Variants in MGLL observed in about 807,000 individuals in gnomAD.
MGLL encodes lysophospholipase homolog.
In MGLL, 7 loss-of-function variants were observed where a neutral mutation model predicts 29.1. The observed-to-expected ratio is 0.24, with a 90% CI of 0.14 to 0.45. The LOEUF is 0.45. Among genes scored for constraint, MGLL ranks in the 20% least tolerant of loss-of-function variants. MGLL has a pLI of 0.99. For missense variants in MGLL, 356 were observed against 413.6 expected, an observed-to-expected ratio of 0.86 and a Z score of 1.21; for synonymous variants, 148 against 168.3, an observed-to-expected ratio of 0.88 and a Z score of 0.93.
intron 3 of MGLL, among the ~76,000 whole-genome samples, chr3:127,734,369 A>G (rs2076206183): frequency 6.6e-6 from 1 of 152,088 alleles, no homozygotes; most frequent in Non-Finnish European, 1.5e-5. Flanking sequence ...CCAGTATTCC[A>G]TTTCACCATG....
chr3:127,785,558 T>A (rs1382125376), intron 2 of MGLL, among the ~76,000 whole-genome samples: 2 of 152,360 alleles, frequency 1.3e-5, no homozygotes, highest in East Asian at 3.9e-4. Context: ...TGGGAGGCTG[T>A]GAACAGAGAG....
At chr3:127,821,968 G>A in intron 1 of MGLL, 130 bp from the exon 2 acceptor site, 1 of 1,006,038 alleles carries the variant, frequency 9.9e-7, no homozygotes, top group Non-Finnish European at 1.4e-6. Flanking sequence ...CTGTTTCAAA[G>A]GTTTAAAACA....
At chr3:127,701,494 T>A (rs2075485689) in intron 6 of MGLL, among the ~76,000 whole-genome samples, 1 of 152,196 alleles carries the variant, frequency 6.6e-6, no homozygotes, top group Non-Finnish European at 1.5e-5. Flanking sequence ...TGTCTCCCTC[T>A]GTGAAGAACC....
rs1343707687 is a variant in MGLL, at chr3:127,727,745, A to G, written c.263-5179T>C. Among the ~76,000 whole-genome samples the G allele has an allele frequency of 2.7e-5, 4 of 150,840 alleles. No individual in the cohort carries two copies. The East Asian group carries it at 5.8e-4, about 22-fold the overall frequency. On this transcript the variant is annotated intron_variant, in intron 3 of 7. Coordinates refer to ENST00000265052, the MANE Select transcript of MGLL (RefSeq NM_007283.7). The stretch of plus-strand genomic sequence containing the variant: ...AAAAAAAAAACAGAGCAAGAAATCA[A>G]TGTTCTAAAGTTTTCTCTTACCTTC...
intron 5 of MGLL, chr3:127,713,916 T>C (rs1349965528): frequency 6.6e-6 from 1 of 152,208 alleles, no homozygotes; most frequent in Non-Finnish European, 1.5e-5. Context: ...ATCCTTGAAG[T>C]GGTTTCACAG....
intron 2 of MGLL, among the ~76,000 whole-genome samples, chr3:127,784,240 G>A (rs1251334076): frequency 6.6e-6 from 1 of 152,140 alleles, no homozygotes; most frequent in Non-Finnish European, 1.5e-5. Flanking sequence ...GAGTCACCTG[G>A]GGAGCTTTCA....
At chr3:127,735,179 T>C (rs2076222096) in intron 3 of MGLL, among the ~76,000 whole-genome samples, 1 of 152,210 alleles carries the variant, frequency 6.6e-6, no homozygotes, top group African/African-American at 2.4e-5. Context: ...CTAAAGGAAG[T>C]CATAAACTCA....
At chr3:127,806,482 T>A (rs2077568214) in intron 2 of MGLL, among the ~76,000 whole-genome samples, 1 of 151,648 alleles carries the variant, frequency 6.6e-6, no homozygotes, top group African/African-American at 2.4e-5. Context: ...GCTGGGTGGA[T>A]GTATGGGGTG....
intron 6 of MGLL, among the ~76,000 whole-genome samples, chr3:127,708,236 G>A (rs77341187): frequency 1.7e-3 from 265 of 152,358 alleles, no homozygotes; most frequent in African/African-American, 6.1e-3. Flanking sequence ...AGAGGGAGAC[G>A]CAGAGCTGCG....
chr3:127,723,563 C>A (rs899956518), intron 3 of MGLL, among the ~76,000 whole-genome samples: 7 of 152,002 alleles, frequency 4.6e-5, no homozygotes, highest in African/African-American at 1.7e-4. Context: ...CGCCCCCCCA[C>A]GGTCTGTCTG....
intron 2 of MGLL, among the ~76,000 whole-genome samples, chr3:127,790,692 T>C (rs2077284923): frequency 6.6e-6 from 1 of 152,210 alleles, no homozygotes; most frequent in Non-Finnish European, 1.5e-5. Context: ...GGAAGTCGCA[T>C]GGGAAACAAT....
intron 3 of MGLL, among the ~76,000 whole-genome samples, chr3:127,726,453 C>G (rs2076049266): frequency 6.6e-6 from 1 of 151,276 alleles, no homozygotes; most frequent in African/African-American, 2.4e-5. Flanking sequence ...TTTTTATTTT[C>G]TTTTTAGTAG....
chr3:127,766,549 G>T (rs2076858899), intron 3 of MGLL, among the ~76,000 whole-genome samples: 1 of 152,016 alleles, frequency 6.6e-6, no homozygotes, highest in East Asian at 1.9e-4. Flanking sequence ...CGCCTTTCTG[G>T]CCTGTTTATC....
At chr3:127,719,615 CCTG>C (rs2075880681) in intron 5 of MGLL, among the ~76,000 whole-genome samples, 1 of 152,214 alleles carries the variant, frequency 6.6e-6, no homozygotes, top group African/African-American at 2.4e-5. Flanking sequence ...TGAGTCTGGG[CCTG>C]CTTATTCTAC....
Position 127,745,347 on chromosome 3 carries a change from C to A in MGLL, c.263-22781G>T, listed in dbSNP as rs553416776. 1.7e-4 allele frequency among the ~76,000 whole-genome samples: 26 copies of A among 152,340 alleles called. 1 individual carries two copies. In the South Asian group the frequency reaches 5.4e-3, roughly 32 times the overall value. ...ATAAAGAAAATGTGGTGCATTTATACACGGAATGCTGCTAGGTCCTCAAAA... is the reference window on the plus strand; with the variant it reads ...ATAAAGAAAATGTGGTGCATTTATAAACGGAATGCTGCTAGGTCCTCAAAA... On this transcript the variant is annotated intron_variant, in intron 3 of 7. Coordinates refer to ENST00000265052, the MANE Select transcript of MGLL (RefSeq NM_007283.7).
Position 127,710,630 on chromosome 3 carries a change from T to C in MGLL, c.546A>G (p.Pro182=), listed in dbSNP as rs1287127334. 4 of 1,574,758 alleles carry C rather than the reference T, an allele frequency of 2.5e-6. 1 individual carries two copies. The highest frequency in any genetic ancestry group is 2.3e-5 in the South Asian group (2 of 85,782). ...AGTCGATGGGCCCGAGGGACAAGTT[T>C]GGCAGCACAAGGTTGAGCACTTTCG... is the stretch of plus-strand genomic sequence containing the variant. ...LAAKVLNLVL[P]NLSLGPIDSS... Residue 182 remains proline (P), a synonymous_variant, in exon 6 of 8, where the codon CCA becomes CCG. Coordinates refer to ENST00000265052, the MANE Select transcript of MGLL (RefSeq NM_007283.7).
intron 3 of MGLL, among the ~76,000 whole-genome samples, chr3:127,771,522 A>G (rs902204361): frequency 2.0e-5 from 3 of 151,906 alleles, no homozygotes; most frequent in Admixed American, 6.6e-5. Context: ...AAGCACTGCT[A>G]ATTTTTGTGT....
At chr3:127,785,693 C>G (rs913076192) in intron 2 of MGLL, among the ~76,000 whole-genome samples, 3 of 152,254 alleles carry the variant, frequency 2.0e-5, no homozygotes, top group African/African-American at 7.2e-5. Context: ...ATGGCAACAA[C>G]AGTGGGTCCT....
chr3:127,697,004 T>C (rs1259932330), intron 6 of MGLL, among the ~76,000 whole-genome samples: 1 of 152,246 alleles, frequency 6.6e-6, no homozygotes, highest in African/African-American at 2.4e-5. Context: ...CATCCCTGGA[T>C]TCCTTCCCAT....
Sources: gnomAD v4.1 joint callset for allele counts (sites outside exome capture counted in the v4.1 genomes callset) on GRCh38, gnomAD v4.1.1 for gene constraint, MANE v1.5 for transcripts, NCBI Gene and HGNC (gene_info 2026-07-23, HGNC 2026-07-21) for gene names.